Variants in DNM3 observed in about 807,000 individuals in gnomAD.
The protein encoded by DNM3 is dynamin 3, also known as dynamin-3.
A neutral mutation model predicts 101.6 loss-of-function variants in DNM3; 47 were observed. The observed-to-expected ratio is 0.46, with a 90% confidence interval of 0.37 to 0.59. The LOEUF (loss-of-function observed/expected upper bound fraction) is 0.59, where lower values mean the gene tolerates loss of function less well. Among genes scored for constraint, DNM3 ranks in the 20% least tolerant of loss-of-function variants. DNM3 has a pLI of 0.00. For synonymous variants in DNM3, 385 were observed against 387.9 expected (o/e 0.99, Z 0.09); for missense variants, 849 against 1,085.7 (o/e 0.78, Z 3.06).
chr1:171,876,077 G>A (rs1289573830), intron 1 of DNM3, among the ~76,000 whole-genome samples: 1 of 152,010 alleles, frequency 6.6e-6, no homozygotes, highest in Admixed American at 6.6e-5. Context: ...GCAAAGTCCT[G>A]GGATTACAGG....
At chr1:171,904,564 G>C (rs957165150) in intron 1 of DNM3, among the ~76,000 whole-genome samples, 9 of 152,186 alleles carry the variant, frequency 5.9e-5, no homozygotes, top group Admixed American at 5.2e-4. Flanking sequence ...GCTGTTGAAA[G>C]ATATTAGGAA....
At chr1:171,892,474 A>G (rs572656984) in intron 1 of DNM3, among the ~76,000 whole-genome samples, 1 of 152,326 alleles carries the variant, frequency 6.6e-6, no homozygotes, top group East Asian at 1.9e-4. Flanking sequence ...AATCATCTGT[A>G]TCTATGTTAA....
intron 12 of DNM3, among the ~76,000 whole-genome samples, chr1:172,085,936 G>T (rs1022929740): frequency 6.6e-6 from 1 of 152,038 alleles, no homozygotes; most frequent in African/African-American, 2.4e-5. Context: ...AGTATAAAAA[G>T]ATCCTTTTTT....
intron 10 of DNM3, among the ~76,000 whole-genome samples, chr1:172,049,285 C>T (rs1423609110): frequency 6.6e-6 from 1 of 152,104 alleles, no homozygotes; most frequent in East Asian, 1.9e-4. Context: ...CCTCTCTAGT[C>T]TTGTTAATTT....
At chr1:172,194,460 G>C (rs2059868759) in intron 14 of DNM3, among the ~76,000 whole-genome samples, 1 of 152,060 alleles carries the variant, frequency 6.6e-6, no homozygotes, top group South Asian at 2.1e-4. Flanking sequence ...TGACAGTGGG[G>C]TGTTAAAGTC....
chr1:172,319,238 C>T (rs1341397914), intron 16 of DNM3, among the ~76,000 whole-genome samples: 1 of 151,738 alleles, frequency 6.6e-6, no homozygotes, highest in Non-Finnish European at 1.5e-5. Context: ...AAAATTAATT[C>T]AAGATGGATT....
chr1:172,039,265 T>C (rs2049189149), intron 7 of DNM3, among the ~76,000 whole-genome samples: 1 of 152,162 alleles, frequency 6.6e-6, no homozygotes, highest in South Asian at 2.1e-4. Flanking sequence ...CCTCCGAAGA[T>C]GATGTTTGGC....
At chr1:172,008,419 G>A (rs573509673) in intron 4 of DNM3, among the ~76,000 whole-genome samples, 23 of 152,054 alleles carry the variant, frequency 1.5e-4, no homozygotes, top group Admixed American at 4.6e-4. Flanking sequence ...ACTTTTGGAT[G>A]TGGAAAGCTA....
chr1:172,410,516 T>A lies in DNM3; in HGVS notation c.*2675T>A. The A allele has an allele frequency of 1.0e-6, 1 of 983,698 alleles. No individual in the cohort carries two copies. Among genetic ancestry groups the A allele is most frequent in the Non-Finnish European group, 1.2e-6 (1 of 828,340 alleles). 60.9% of individuals were successfully genotyped at this position (983,698 alleles called of 1,614,324 possible). On this transcript the variant is annotated 3_prime_UTR_variant, in exon 21 of 21. Transcript: ENST00000627582. Reference sequence around the variant, plus strand: ...AGGTAAATATAGTTTTATTGTCACATGCTAAATATTGCATGCATATTGACT... The same window carrying A: ...AGGTAAATATAGTTTTATTGTCACAAGCTAAATATTGCATGCATATTGACT...
intron 14 of DNM3, among the ~76,000 whole-genome samples, chr1:172,247,947 G>A (rs1469309659): frequency 6.6e-6 from 1 of 152,108 alleles, no homozygotes; most frequent in Non-Finnish European, 1.5e-5. Flanking sequence ...GCCTCCCAAA[G>A]TGCTAGGATT....
chr1:171,923,427 A>G (rs1037336103), intron 2 of DNM3, among the ~76,000 whole-genome samples: 3 of 151,282 alleles, frequency 2.0e-5, no homozygotes, highest in African/African-American at 7.3e-5. Context: ...CAGATATTTG[A>G]TTTGCATTTT....
intron 1 of DNM3, among the ~76,000 whole-genome samples, chr1:171,886,581 T>A (rs1018677495): frequency 1.4e-4 from 21 of 152,238 alleles, no homozygotes; most frequent in Middle Eastern, 3.4e-3. Flanking sequence ...GCTTGAAAAA[T>A]TGCCTTTGTT....
intron 1 of DNM3, among the ~76,000 whole-genome samples, chr1:171,912,844 A>T (rs981624852): frequency 8.5e-5 from 13 of 152,220 alleles, no homozygotes; most frequent in African/African-American, 3.1e-4. Context: ...GATATTAGGT[A>T]GGCAACCAGT....
chr1:171,989,218 T>C, intron 4 of DNM3, 70 bp downstream of exon 4: 1 of 1,364,292 alleles, frequency 7.3e-7, no homozygotes, highest in Non-Finnish European at 9.8e-7. Flanking sequence ...AAAGGTAACA[T>C]AAATTCTTAA....
chr1:171,867,093 A>T (rs2034826699), intron 1 of DNM3, among the ~76,000 whole-genome samples: 1 of 152,242 alleles, frequency 6.6e-6, no homozygotes, highest in Admixed American at 6.5e-5. Context: ...AGTCAGCAGG[A>T]ACTCCACACA....
At chr1:172,318,627 A>C (rs12126877) in intron 16 of DNM3, among the ~76,000 whole-genome samples, 1,699 of 152,154 alleles carry the variant, frequency 0.011, 13 homozygotes, top group Non-Finnish European at 0.013. Flanking sequence ...TGAGTGAACT[A>C]CCATTCACAA....
chr1:172,182,456 T>C (rs990163906), intron 14 of DNM3, among the ~76,000 whole-genome samples: 7 of 152,120 alleles, frequency 4.6e-5, no homozygotes, highest in African/African-American at 1.7e-4. Flanking sequence ...AACACACTTT[T>C]TCCCTCAAAT....
At chr1:172,031,576 A>G (rs2048613067) in intron 4 of DNM3, among the ~76,000 whole-genome samples, 1 of 152,216 alleles carries the variant, frequency 6.6e-6, no homozygotes, top group Non-Finnish European at 1.5e-5. Context: ...AATAAAACAT[A>G]AAGCAATATA....
chr1:172,257,988 G>A (rs897832588), intron 15 of DNM3, among the ~76,000 whole-genome samples: 5 of 151,532 alleles, frequency 3.3e-5, no homozygotes, highest in Admixed American at 3.3e-4. Flanking sequence ...AACTACCTCC[G>A]TGAGATAAAC....
Sources: gnomAD v4.1 joint callset for allele counts (sites outside exome capture counted in the v4.1 genomes callset) on GRCh38, gnomAD v4.1.1 for gene constraint, MANE v1.5 for transcripts, NCBI Gene and HGNC (gene_info 2026-07-23, HGNC 2026-07-21) for gene names.